PEG3: variants seen among roughly 807,000 people sequenced by gnomAD.
PEG3 encodes paternally-expressed gene 3 protein.
Under a neutral mutation model 35.5 loss-of-function variants are expected in PEG3, and 23 were observed. That is an observed-to-expected ratio of 0.65 (90% CI 0.47 to 0.92). The LOEUF is 0.92. Among genes scored for constraint, PEG3 ranks in the 40% least tolerant of loss-of-function variants. PEG3 has a pLI of 0.00. For synonymous variants in PEG3, 707 were observed against 697.0 expected (o/e 1.01, Z -0.23); for missense variants, 1,960 against 1,985.3 (o/e 0.99, Z 0.24).
At chr19:56,827,190 A>C (rs1168892869) in intron 2 of PEG3, among the ~76,000 whole-genome samples, 1 of 152,176 alleles carries the variant, frequency 6.6e-6, no homozygotes, top group Non-Finnish European at 1.5e-5. Flanking sequence ...TCCTACAATT[A>C]ATTTTGTGAC....
chr19:56,814,383 A>C lies in PEG3; in HGVS notation c.4059T>G (p.Leu1353=). The change falls in exon 10 of 10, where the codon CTT becomes CTG. Residue 1353 remains leucine (L), a synonymous_variant. Transcript: ENST00000326441. This position sits in a 1 kb window ranked among gnomAD's most constrained non-coding sequence, Gnocchi z 5.8. Reference sequence around the variant, plus strand: ...CATCTTCTTCTTCTTCTTCCAGATGAAGCTCCTTATGTTTAGTGAGGACTG... The same window carrying C: ...CATCTTCTTCTTCTTCTTCCAGATGCAGCTCCTTATGTTTAGTGAGGACTG... The part of the protein sequence containing the change: ...HSTVLTKHKE[L]HLEEEEEDEA... The C allele has an allele frequency of 6.2e-7, 1 of 1,613,988 alleles. No individual in the cohort carries two copies. The highest frequency in any genetic ancestry group is 8.5e-7 in the Non-Finnish European group (1 of 1,179,910).
Position 56,817,432 on chromosome 19 carries a change from C to A in PEG3, c.1010G>T (p.Arg337Leu). The A allele has an allele frequency of 6.2e-7, 1 of 1,614,024 alleles. No individual in the cohort carries two copies. The highest frequency in any genetic ancestry group is 1.1e-5 in the South Asian group (1 of 91,066). ...KSGRARESSD[R>L]SQRFPRMSDD... is the part of the protein sequence containing the mutation. ...TGACATTCTGGGGAATCTCTGTGAC[C>A]GGTCGCTTGACTCCCTTGCTCTTCC... Residue 337 changes from arginine to leucine, a missense_variant, in exon 10 of 10, where the codon CGG (arginine) becomes CTG (leucine). Arg to Leu is a moderately radical substitution (Grantham distance 102). Coordinates refer to ENST00000326441, the MANE Select transcript of PEG3 (RefSeq NM_006210.3).
chr19:56,816,140 C>T lies in PEG3; in HGVS notation c.2302G>A (p.Val768Ile). The T allele has an allele frequency of 6.2e-7, 1 of 1,613,718 alleles. No homozygotes were observed. The highest frequency in any genetic ancestry group is 8.5e-7 in the Non-Finnish European group (1 of 1,179,812). ...ENQKIPTKEN[V>I]YEAKSYERSV... ...CTCTCATATGATTTTGCCTCATAGA[C>T]ATTTTCCTTAGTGGGAATCTTCTGG... is the stretch of plus-strand genomic sequence containing the variant. Residue 768 changes from valine (V) to isoleucine (I), a missense_variant, in exon 10 of 10, where the codon GTC becomes ATC. Transcript: ENST00000326441.
intron 1 of PEG3, among the ~76,000 whole-genome samples, chr19:56,839,987 G>C (rs2062800581): frequency 6.6e-6 from 1 of 152,232 alleles, no homozygotes; most frequent in African/African-American, 2.4e-5. Flanking sequence ...CCTACAGGCA[G>C]GACAGCCCTT....
chr19:56,838,369 G>A (rs1490084719), intron 1 of PEG3, among the ~76,000 whole-genome samples: 1 of 152,194 alleles, frequency 6.6e-6, no homozygotes, highest in Non-Finnish European at 1.5e-5. Flanking sequence ...CCACCCTGTG[G>A]CTAGCACAGA....
At chr19:56,839,671 A>G (rs1356917526) in intron 1 of PEG3, among the ~76,000 whole-genome samples, 4 of 152,136 alleles carry the variant, frequency 2.6e-5, no homozygotes, top group Non-Finnish European at 5.9e-5. Flanking sequence ...CTCATAAAAG[A>G]TGGCACCCAA....
Position 56,824,683 on chromosome 19 carries a change from A to G in PEG3, c.-28T>C. ...CTCTAAGTAAAATTTTCACTGGAGG[A>G]ACCAAACATGAGTCAACAGGAAAGA... On this transcript the variant is annotated 5_prime_UTR_variant, in exon 4 of 10. Transcript: ENST00000326441. The G allele has an allele frequency of 1.3e-6, 2 of 1,577,230 alleles. No individual in the cohort carries two copies. Among genetic ancestry groups the G allele is most frequent in the Non-Finnish European group, 1.7e-6 (2 of 1,159,928 alleles).
At chr19:56,839,910 C>G (rs1445925627) in intron 1 of PEG3, among the ~76,000 whole-genome samples, 1 of 152,276 alleles carries the variant, frequency 6.6e-6, no homozygotes, top group Non-Finnish European at 1.5e-5. Flanking sequence ...ACCAAGGCAG[C>G]TCCTGCGCAG....
At chr19:56,829,076 C>T (rs747125719) in intron 2 of PEG3, among the ~76,000 whole-genome samples, 5 of 152,178 alleles carry the variant, frequency 3.3e-5, no homozygotes, top group South Asian at 2.1e-4. Context: ...TGCAGCTGGG[C>T]GCAGTGGCTC....
Position 56,824,637 on chromosome 19 carries a change from A to T in PEG3, c.19T>A (p.Leu7Met). The T allele has an allele frequency of 6.3e-7, 1 of 1,596,860 alleles. No homozygotes were observed. The highest frequency in any genetic ancestry group is 8.6e-7 in the Non-Finnish European group (1 of 1,168,480). The change falls in exon 4 of 10, where the codon TTG (leucine) becomes ATG (methionine). Residue 7 changes from leucine (L) to methionine (M), a missense_variant. This residue lies in a region of PEG3 where 613 missense variants were observed against 577.1 expected (regional missense o/e 1.06). Coordinates refer to ENST00000326441, the MANE Select transcript of PEG3 (RefSeq NM_006210.3). ...GACTTCTTAGGTTTGGTGGCAGACA[A>T]GTGCTTTGGAGGCAGCATTTCTCTA... MLPPKH[L>M]SATKPKKSWA...
In PEG3 at chr19:56,811,434, T is replaced by A. The variant is rs920082175; in HGVS notation, c.*2241A>T. On this transcript the variant is annotated 3_prime_UTR_variant, in exon 10 of 10. Transcript: ENST00000326441. The stretch of plus-strand genomic sequence containing the variant: ...AATGTTCTGTAAATATATTTCCACG[T>A]TGCTACATAACTCGTGATTATCATT... 1 of 919,144 alleles carries A rather than the reference T, an allele frequency of 1.1e-6. No homozygotes were observed. The highest frequency in any genetic ancestry group is 1.3e-6 in the Non-Finnish European group (1 of 769,536). 56.9% of individuals were successfully genotyped at this position (919,144 alleles called of 1,614,324 possible).
At chr19:56,838,458 C>T (rs1171076310) in intron 1 of PEG3, among the ~76,000 whole-genome samples, 1 of 152,160 alleles carries the variant, frequency 6.6e-6, no homozygotes, top group Non-Finnish European at 1.5e-5. Context: ...GGTCCCGGGC[C>T]CCAGCCCTTA....
Position 56,817,002 on chromosome 19 carries a change from A to T in PEG3, c.1440T>A (p.Tyr480Ter). ...TGTGGATAAAGGACTCACCATACTC[A>T]TAGAGGTTCTCTCTAGTATGCATGA... ...HQIMHTRENLYEYGESFIHSV... is the reference protein window; with the variant it reads ...HQIMHTRENL The change falls in exon 10 of 10, where the codon TAT (tyrosine) becomes TAA (stop). Residue 480 changes from tyrosine (Y) to a stop codon, truncating the protein, a stop_gained. Transcript: ENST00000326441. LOFTEE classifies it low-confidence loss of function (END_TRUNC). 1 of 1,613,876 alleles carries T rather than the reference A, an allele frequency of 6.2e-7. No homozygotes were observed. Among genetic ancestry groups the T allele is most frequent in the East Asian group, 2.2e-5 (1 of 44,890 alleles).
chr19:56,815,354 G>A lies in PEG3; in HGVS notation c.3088C>T (p.Arg1030Trp), dbSNP rs368105379. 15 of 1,614,104 alleles carry A rather than the reference G, an allele frequency of 9.3e-6. No individual in the cohort carries two copies. The highest frequency in any genetic ancestry group is 1.1e-5 in the Non-Finnish European group (13 of 1,180,018). The change falls in exon 10 of 10, where the codon CGG (arginine) becomes TGG (tryptophan). Residue 1030 changes from arginine to tryptophan, a missense_variant. Around this residue, in one of 5 missense-constraint regions of PEG3, gnomAD observed 798 missense variants for 782.4 expected, o/e 1.02. Transcript: ENST00000326441. ...AQEQYAKEQA[R>W]NKCKDFRQFF... ...TGTCTGAAGTCCTTACATTTGTTCCGCGCTTGCTCTTTAGCATACTGCTCT... is the reference window on the plus strand; with the variant it reads ...TGTCTGAAGTCCTTACATTTGTTCCACGCTTGCTCTTTAGCATACTGCTCT...
At chr19:56,826,515 G>A (rs1274740411) in intron 2 of PEG3, 52 bp from the exon 3 acceptor site, 1 of 152,228 alleles carries the variant, frequency 6.6e-6, no homozygotes, top group East Asian at 1.9e-4. Flanking sequence ...TGAAAGACAT[G>A]TAGAAGGAGT....
Position 56,831,533 on chromosome 19 carries a change from C to T in PEG3, c.-163+4485G>A, listed in dbSNP as rs184737154. ...TAAGAAATTAGGTATTTCAGCTACA[C>T]ATCTCTGGAAGGCTAAGGCCACTAG... On this transcript the variant is annotated intron_variant, in intron 2 of 9. Transcript: ENST00000326441. 1.2e-3 allele frequency among the ~76,000 whole-genome samples: 185 copies of T among 152,348 alleles called. 2 individuals carry two copies. Among genetic ancestry groups the T allele is most frequent in the African/African-American group, 3.9e-3 (164 of 41,578 alleles).
At chr19:56,823,786 A>G in intron 4 of PEG3, 107 bp from the exon 5 acceptor site, 1 of 1,305,700 alleles carries the variant, frequency 7.7e-7, no homozygotes, top group South Asian at 1.2e-5. Flanking sequence ...CATGGTTGGA[A>G]TGACCTGATC....
chr19:56,825,565 TC>T (rs2060941291), intron 3 of PEG3, among the ~76,000 whole-genome samples: 1 of 76,272 alleles, frequency 1.3e-5, no homozygotes, highest in Non-Finnish European at 3.9e-5. Flanking sequence ...TTTCAATCTC[TC>T]CTTTTTTTTA....
chr19:56,816,326 T>C lies in PEG3; in HGVS notation c.2116A>G (p.Ile706Val). 1.9e-6 allele frequency: 3 copies of C among 1,614,160 alleles called. No individual in the cohort carries two copies. Among genetic ancestry groups the C allele is most frequent in the Non-Finnish European group, 2.5e-6 (3 of 1,180,006 alleles). ...TCAAAGAGGTTCTTTCGAGAATGAA[T>C]TTTCTGATGCTCACTGAGCTCTGAG... ...QSSELSEHQKIHSRKNLFEGR... is the reference protein window; with the variant it reads ...QSSELSEHQKVHSRKNLFEGR... Residue 706 changes from isoleucine to valine, a missense_variant, in exon 10 of 10, where the codon ATT becomes GTT. This residue lies in a region of PEG3 where 798 missense variants were observed against 782.4 expected (regional missense o/e 1.02). Transcript: ENST00000326441.
Sources: allele counts gnomAD v4.1 joint callset (sites outside exome capture counted in the v4.1 genomes callset), GRCh38; gene constraint gnomAD v4.1.1; regional missense constraint gnomAD v4.1.1; non-coding constraint Gnocchi (gnomAD v3.1); transcripts MANE v1.5; gene names NCBI Gene and HGNC (gene_info 2026-07-23, HGNC 2026-07-21).